The following VAV2 variants were observed in gnomAD, a reference collection of about 807,000 sequenced individuals.
The protein encoded by VAV2 is guanine nucleotide exchange factor VAV2.
A neutral mutation model predicts 132.5 loss-of-function variants in VAV2; 67 were observed. The observed-to-expected ratio is 0.51, with a 90% CI of 0.42 to 0.62. The LOEUF (loss-of-function observed/expected upper bound fraction) is 0.62, where lower values mean the gene tolerates loss of function less well. Ranked by LOEUF, VAV2 falls within the 20% of genes least tolerant of loss-of-function variation. VAV2 has a pLI of 0.00. For missense variants in VAV2, 938 were observed against 1,153.6 expected, an observed-to-expected ratio of 0.81 and a Z score of 2.71; for synonymous variants, 492 against 443.5, an observed-to-expected ratio of 1.11 and a Z score of -1.37.
intron 1 of VAV2, among the ~76,000 whole-genome samples, chr9:133,964,068 T>A (rs1156684181): frequency 2.3e-5 from 3 of 133,188 alleles, no homozygotes; most frequent in African/African-American, 8.8e-5. Flanking sequence ...TACATATATA[T>A]AAATGAATAG....
Position 133,939,227 on chromosome 9 carries a change from G to GA in VAV2, c.205-9dup. The stretch of plus-strand genomic sequence containing the variant: ...GTTCTTCAAACACAGAAACTAAAGG[G>GA]AAAAAACAAAGGGAGGGCAAGGAAA... On this transcript the variant is annotated splice_polypyrimidine_tract_variant and intron_variant, in intron 1 of 29. Coordinates refer to ENST00000371850, the MANE Select transcript of VAV2 (RefSeq NM_001134398.2). The GA allele has an allele frequency of 6.2e-7, 1 of 1,612,738 alleles. No homozygotes were observed.
intron 7 of VAV2, among the ~76,000 whole-genome samples, chr9:133,808,200 C>G (rs528918559): frequency 9.9e-5 from 15 of 152,264 alleles, no homozygotes. Context: ...GGCAGGGCTT[C>G]GAGGGAACTG....
rs532040117 is a variant in VAV2 at position 133,886,159 on chromosome 9, T to C, written c.322-24727A>G. Reference sequence around the variant, plus strand: ...AGGGAAAGACAGGAAGGAGCACCCATGTGGGACCCAGGGTCCCAGACAACC... The same window carrying C: ...AGGGAAAGACAGGAAGGAGCACCCACGTGGGACCCAGGGTCCCAGACAACC... On this transcript the variant is annotated intron_variant, in intron 2 of 29. Coordinates refer to ENST00000371850, the MANE Select transcript of VAV2 (RefSeq NM_001134398.2). 4.6e-5 allele frequency among the ~76,000 whole-genome samples: 7 copies of C among 151,990 alleles called. No individual in the cohort carries two copies. In the East Asian group the frequency reaches 1.4e-3, roughly 30 times the overall value.
chr9:133,988,460 C>G (rs926529156), intron 1 of VAV2, among the ~76,000 whole-genome samples: 1 of 152,164 alleles, frequency 6.6e-6, no homozygotes, highest in African/African-American at 2.4e-5. Flanking sequence ...GTCACTCAAG[C>G]TCTCCGGAAC....
At chr9:133,779,112 A>G (rs1308262764) in intron 21 of VAV2, among the ~76,000 whole-genome samples, 2 of 152,274 alleles carry the variant, frequency 1.3e-5, no homozygotes, top group African/African-American at 2.4e-5. Flanking sequence ...ATCATGGAAC[A>G]GCAACTTATT....
intron 2 of VAV2, among the ~76,000 whole-genome samples, chr9:133,915,688 C>T (rs547997197): frequency 2.8e-4 from 40 of 144,882 alleles, no homozygotes; most frequent in Admixed American, 1.1e-3. Flanking sequence ...ACAATGCACA[C>T]GTGCACACAC....
chr9:133,843,643 T>C (rs1169326164), intron 3 of VAV2, among the ~76,000 whole-genome samples: 2 of 151,990 alleles, frequency 1.3e-5, no homozygotes, highest in Non-Finnish European at 2.9e-5. Context: ...CTGCCTCAGA[T>C]GTGGTATGTG....
At chr9:133,789,837 T>C (rs1275179763) in intron 13 of VAV2, among the ~76,000 whole-genome samples, 1 of 152,256 alleles carries the variant, frequency 6.6e-6, no homozygotes, top group Non-Finnish European at 1.5e-5. Flanking sequence ...TGGTTTTGTC[T>C]CTGTGACTCT....
Position 133,884,460 on chromosome 9 carries a change from A to C in VAV2, c.322-23028T>G, listed in dbSNP as rs993911266. On this transcript the variant is annotated intron_variant, in intron 2 of 29. Transcript: ENST00000371850. The surrounding 1 kb of genome is among the most constrained non-coding windows in gnomAD (Gnocchi z 5.3). ...GCCACACTTTGTCAATTAATTAGGG[A>C]GGGGGGTGCCAGCCTGGGGGGCGTG... is the stretch of plus-strand genomic sequence containing the variant. Among the ~76,000 whole-genome samples the C allele has an allele frequency of 2.0e-5, 3 of 151,668 alleles. No individual in the cohort carries two copies. Among genetic ancestry groups the C allele is most frequent in the African/African-American group, 7.3e-5 (3 of 41,038 alleles).
At chr9:133,782,074 C>T (rs1017946908) in intron 19 of VAV2, among the ~76,000 whole-genome samples, 8 of 149,742 alleles carry the variant, frequency 5.3e-5, no homozygotes, top group Admixed American at 2.0e-4. Context: ...AAATTTTCTA[C>T]GGAAAATCAG....
At chr9:133,812,863 A>C (rs1486538380) in intron 4 of VAV2, among the ~76,000 whole-genome samples, 4 of 151,884 alleles carry the variant, frequency 2.6e-5, no homozygotes, top group Non-Finnish European at 5.9e-5. Context: ...CTCACGGGCC[A>C]CCTCCTCCAA....
intron 10 of VAV2, 65 bp downstream of exon 10, chr9:133,797,645 C>T (rs546456037): frequency 3.4e-5 from 49 of 1,427,488 alleles, no homozygotes; most frequent in Middle Eastern, 2.0e-4. Flanking sequence ...TGGTACCTAA[C>T]GAGCTCTGGC....
intron 1 of VAV2, among the ~76,000 whole-genome samples, chr9:133,989,055 T>C (rs1419818528): frequency 6.6e-6 from 1 of 151,928 alleles, no homozygotes; most frequent in Non-Finnish European, 1.5e-5. Flanking sequence ...ACTAAAAATA[T>C]AGGCTGGGTG....
At chr9:133,791,566 C>T (rs1834463378) in intron 13 of VAV2, among the ~76,000 whole-genome samples, 2 of 146,180 alleles carry the variant, frequency 1.4e-5, no homozygotes, top group African/African-American at 5.0e-5. Context: ...CACAGGCAGT[C>T]TTCAGTGCAC....
rs760535339 is a variant in VAV2 at position 133,807,314 on chromosome 9, G to T, written c.679C>A (p.Pro227Thr). ...GCCGGGCTCAGCACCAGCCGCAGGGGGCTCATGTAGTTCTGGAAGAGAGAA... is the reference window on the plus strand; with the variant it reads ...GCCGGGCTCAGCACCAGCCGCAGGGTGCTCATGTAGTTCTGGAAGAGAGAA... ...LEDIEKNYMS[P>T]LRLVLSPADM... Residue 227 changes from proline (P) to threonine (T), a missense_variant, in exon 8 of 30, where the codon CCC becomes ACC. Physicochemically the swap from Pro to Thr is conservative, Grantham distance 38. Transcript: ENST00000371850. The T allele has an allele frequency of 6.2e-7, 1 of 1,610,350 alleles. No individual in the cohort carries two copies. Among genetic ancestry groups the T allele is most frequent in the African/African-American group, 1.3e-5 (1 of 74,858 alleles).
chr9:133,799,507 C>T (rs1018576874), intron 9 of VAV2, among the ~76,000 whole-genome samples: 2 of 152,216 alleles, frequency 1.3e-5, no homozygotes, highest in South Asian at 2.1e-4. Context: ...CACCCATGGC[C>T]GGTCCCACAT....
chr9:133,882,612 C>T (rs1230934667), intron 2 of VAV2, among the ~76,000 whole-genome samples: 1 of 152,136 alleles, frequency 6.6e-6, no homozygotes. Context: ...AGGAGCGTGG[C>T]CCTGCCGACA....
intron 1 of VAV2, among the ~76,000 whole-genome samples, chr9:133,949,707 C>T (rs1841490981): frequency 6.6e-6 from 1 of 152,198 alleles, no homozygotes; most frequent in Non-Finnish European, 1.5e-5. Context: ...GGCATGGATT[C>T]AAAATGTCTG....
Position 133,802,692 on chromosome 9 carries a change from G to A in VAV2, c.836+3389C>T, listed in dbSNP as rs117098018. On this transcript the variant is annotated intron_variant, in intron 9 of 29. Transcript: ENST00000371850. The surrounding 1 kb of genome is among the most constrained non-coding windows in gnomAD (Gnocchi z 5.8). Reference sequence around the variant, plus strand: ...ACGTCAAATTCTGAACCCACCACACGGTGCACAAATGCCTCCTCCAGAGAT... The same window carrying A: ...ACGTCAAATTCTGAACCCACCACACAGTGCACAAATGCCTCCTCCAGAGAT... 3.3e-4 allele frequency among the ~76,000 whole-genome samples: 50 copies of A among 152,196 alleles called. No individual in the cohort carries two copies. Among genetic ancestry groups the A allele is most frequent in the East Asian group, 1.4e-3 (7 of 5,180 alleles).
Sources: gnomAD v4.1 joint callset for allele counts (sites outside exome capture counted in the v4.1 genomes callset) on GRCh38, gnomAD v4.1.1 for gene constraint, Gnocchi (gnomAD v3.1) non-coding constraint, MANE v1.5 for transcripts, NCBI Gene and HGNC (gene_info 2026-07-23, HGNC 2026-07-21) for gene names.